Variants in REDIC1 observed in about 807,000 individuals in gnomAD.
The protein encoded by REDIC1 is HEI10 Interacting Protein 1.
chr12:39,821,314 G>A, the REDIC1 span, among the ~76,000 whole-genome samples: 1 of 152,080 alleles, frequency 6.6e-6, no homozygotes, highest in Non-Finnish European at 1.5e-5. Context: ...GGAGGCTGAG[G>A]CAGGAGAATG....
the REDIC1 span, among the ~76,000 whole-genome samples, chr12:39,901,096 C>T: frequency 6.6e-6 from 1 of 152,120 alleles, no homozygotes; most frequent in Non-Finnish European, 1.5e-5. Context: ...GGAAAGGATT[C>T]CCTATTTAAT....
chr12:39,868,946 T>C, the REDIC1 span, among the ~76,000 whole-genome samples: 2 of 152,168 alleles, frequency 1.3e-5, no homozygotes, highest in Non-Finnish European at 2.9e-5. Context: ...TAACAAAAAA[T>C]CATCTTGATA....
the REDIC1 span, among the ~76,000 whole-genome samples, chr12:39,865,499 T>C: frequency 6.6e-6 from 1 of 152,180 alleles, no homozygotes; most frequent in African/African-American, 2.4e-5. Flanking sequence ...ATATTTGTTT[T>C]GGTGTTAACA....
At chr12:39,729,417 C>G in the REDIC1 span, among the ~76,000 whole-genome samples, 1 of 152,086 alleles carries the variant, frequency 6.6e-6, no homozygotes, top group Admixed American at 6.5e-5. Context: ...TTGTTATTTA[C>G]CCAGTAGGCA....
At chr12:39,646,559 C>T in the REDIC1 span, 2 of 1,218,844 alleles carry the variant, frequency 1.6e-6, no homozygotes, top group Non-Finnish European at 2.2e-6. Flanking sequence ...ACCTTCTACC[C>T]CCAGTTTTTG....
At chr12:39,899,390 G>A in the REDIC1 span, among the ~76,000 whole-genome samples, 1 of 151,904 alleles carries the variant, frequency 6.6e-6, no homozygotes, top group Admixed American at 6.6e-5. Context: ...TATTAGTCTT[G>A]CTAGCGGTCT....
chr12:39,638,825 G>A, the REDIC1 span, among the ~76,000 whole-genome samples: 1 of 151,776 alleles, frequency 6.6e-6, no homozygotes, highest in African/African-American at 2.4e-5. Context: ...TTTTTCTTAG[G>A]CACATAGGGA....
the REDIC1 span, among the ~76,000 whole-genome samples, chr12:39,773,287 T>A: frequency 3.9e-5 from 6 of 152,158 alleles, no homozygotes; most frequent in Admixed American, 3.3e-4. Flanking sequence ...AGGTGAAATA[T>A]GTCTCATTTT....
chr12:39,896,256 G>GTATACA, the REDIC1 span, among the ~76,000 whole-genome samples: 1 of 88,844 alleles, frequency 1.1e-5, no homozygotes, highest in Non-Finnish European at 2.5e-5. Context: ...ATACATGTAT[G>GTATACA]TATATGTGTG....
At chr12:39,713,838 CG>C in the REDIC1 span, among the ~76,000 whole-genome samples, 25 of 147,404 alleles carry the variant, frequency 1.7e-4, no homozygotes, top group Non-Finnish European at 2.9e-4. Context: ...TGTATATACA[CG>C]TATATATATG....
chr12:39,770,032 C>T, the REDIC1 span, among the ~76,000 whole-genome samples: 1 of 152,046 alleles, frequency 6.6e-6, no homozygotes. Context: ...CTTCTCTTCC[C>T]TCTTTGCTTT....
chr12:39,631,367 TTTAA>T, the REDIC1 span, among the ~76,000 whole-genome samples: 1 of 152,188 alleles, frequency 6.6e-6, no homozygotes, highest in African/African-American at 2.4e-5. Flanking sequence ...CTGCACAAGA[TTTAA>T]TTTTGAAAAT....
chr12:39,694,773 T>TAA, the REDIC1 span, among the ~76,000 whole-genome samples: 3 of 152,030 alleles, frequency 2.0e-5, no homozygotes, highest in Admixed American at 6.5e-5. Flanking sequence ...CTGGGGCAGC[T>TAA]AAGGGAGTGT....
chr12:39,643,582 T>C, the REDIC1 span, among the ~76,000 whole-genome samples: 1 of 151,708 alleles, frequency 6.6e-6, no homozygotes, highest in Non-Finnish European at 1.5e-5. Flanking sequence ...AGGAAGATGA[T>C]AAAAGGCTGT....
the REDIC1 span, among the ~76,000 whole-genome samples, chr12:39,695,768 C>T: frequency 4.6e-5 from 7 of 152,114 alleles, no homozygotes; most frequent in Non-Finnish European, 1.0e-4. Context: ...TAGGCAGTAG[C>T]CAGGTAGTGG....
At chr12:39,869,068 A>C in the REDIC1 span, among the ~76,000 whole-genome samples, 2 of 152,238 alleles carry the variant, frequency 1.3e-5, no homozygotes, top group African/African-American at 4.8e-5. Context: ...TAGCCAATTT[A>C]AGAAATTTAA....
chr12:39,687,273 C>T, the REDIC1 span, among the ~76,000 whole-genome samples: 1 of 152,174 alleles, frequency 6.6e-6, no homozygotes, highest in Non-Finnish European at 1.5e-5. Flanking sequence ...CTGTATTAGT[C>T]TGTTCTCACA....
At chr12:39,756,303 A>C in the REDIC1 span, 1 of 152,022 alleles carries the variant, frequency 6.6e-6, no homozygotes, top group Non-Finnish European at 1.5e-5. Flanking sequence ...ATAATCATCT[A>C]TTTCTTTTAC....
At chr12:39,673,647 G>C in the REDIC1 span, among the ~76,000 whole-genome samples, 2 of 152,068 alleles carry the variant, frequency 1.3e-5, no homozygotes, top group African/African-American at 4.8e-5. Context: ...GCCTATTCCT[G>C]TTTTCATGTA....
Sources: gnomAD v4.1 joint callset for allele counts (sites outside exome capture counted in the v4.1 genomes callset) on GRCh38, gnomAD v4.1.1 for gene constraint, MANE v1.5 for transcripts, NCBI Gene and HGNC (gene_info 2026-07-23, HGNC 2026-07-21) for gene names.